GLRA1: variants seen among roughly 807,000 people sequenced by gnomAD.
The protein encoded by GLRA1 is glycine receptor subunit alpha-1.
A neutral mutation model predicts 48.3 loss-of-function variants in GLRA1; 37 were observed. The observed-to-expected ratio is 0.77, with a 90% confidence interval of 0.59 to 1.01. The LOEUF is 1.01. Ranked by LOEUF, GLRA1 falls within the 50% of genes least tolerant of loss-of-function variation. The pLI is 0.00. For synonymous variants in GLRA1, 196 were observed against 210.7 expected, an observed-to-expected ratio of 0.93 and a Z score of 0.60; for missense variants, 427 against 571.0, an observed-to-expected ratio of 0.75 and a Z score of 2.57.
At chr5:151,896,699 T>TCAC (rs1276419484) in intron 1 of GLRA1, among the ~76,000 whole-genome samples, 1 of 152,260 alleles carries the variant, frequency 6.6e-6, no homozygotes, top group African/African-American at 2.4e-5. Flanking sequence ...TGCCGTTTGT[T>TCAC]CACCACCTCT....
intron 1 of GLRA1, among the ~76,000 whole-genome samples, chr5:151,911,607 T>TG (rs1449011318): frequency 6.3e-4 from 91 of 144,964 alleles, no homozygotes; most frequent in African/African-American, 2.3e-3. Flanking sequence ...AGAGTTTTTT[T>TG]TTTTTTTTTT....
intron 4 of GLRA1, among the ~76,000 whole-genome samples, chr5:151,858,920 G>A (rs1753121311): frequency 6.6e-6 from 1 of 152,134 alleles, no homozygotes; most frequent in South Asian, 2.1e-4. Context: ...CACTGCTATA[G>A]GACTTTGAGA....
chr5:151,841,196 A>C (rs1445124520), intron 7 of GLRA1, among the ~76,000 whole-genome samples: 3 of 152,168 alleles, frequency 2.0e-5, no homozygotes, highest in Non-Finnish European at 4.4e-5. Flanking sequence ...TTTCAATGGA[A>C]TATTAAAAAT....
At chr5:151,884,296 G>A (rs570162728) in intron 3 of GLRA1, among the ~76,000 whole-genome samples, 5 of 152,208 alleles carry the variant, frequency 3.3e-5, no homozygotes, top group African/African-American at 1.2e-4. Flanking sequence ...GGGCCTGGTG[G>A]TGCATGTCTG....
At chr5:151,824,431 A>T (rs1763222091) in intron 8 of GLRA1, among the ~76,000 whole-genome samples, 1 of 152,152 alleles carries the variant, frequency 6.6e-6, no homozygotes, top group South Asian at 2.1e-4. Context: ...AATCCTGAAC[A>T]TGATAAACAA....
intron 3 of GLRA1, among the ~76,000 whole-genome samples, chr5:151,879,794 G>A (rs1228287537): frequency 2.6e-5 from 4 of 152,136 alleles, no homozygotes; most frequent in East Asian, 1.9e-4. Flanking sequence ...GATTGGTTTC[G>A]AAATATGAGG....
At chr5:151,904,670 T>C (rs1754436980) in intron 1 of GLRA1, among the ~76,000 whole-genome samples, 1 of 152,254 alleles carries the variant, frequency 6.6e-6, no homozygotes, top group African/African-American at 2.4e-5. Flanking sequence ...TTGGACAAGT[T>C]ACTTATTCTG....
chr5:151,922,534 C>G (rs921367699), intron 1 of GLRA1, among the ~76,000 whole-genome samples: 2 of 152,228 alleles, frequency 1.3e-5, no homozygotes. Context: ...ACATTTCCAG[C>G]TCTCCACAGT....
intron 1 of GLRA1, among the ~76,000 whole-genome samples, chr5:151,913,130 G>A (rs1754657835): frequency 6.6e-6 from 1 of 152,296 alleles, no homozygotes; most frequent in Non-Finnish European, 1.5e-5. Flanking sequence ...GTTTGTTAAG[G>A]GATTGTGCTC....
At chr5:151,828,755 T>G (rs756600138) in intron 8 of GLRA1, among the ~76,000 whole-genome samples, 166 bp downstream of exon 8, 15 of 152,194 alleles carry the variant, frequency 9.9e-5, no homozygotes, top group Non-Finnish European at 1.9e-4. Flanking sequence ...GGGCATTATT[T>G]ATGGGAGGGA....
chr5:151,920,299 A>G (rs900569512), intron 1 of GLRA1, among the ~76,000 whole-genome samples: 1 of 152,214 alleles, frequency 6.6e-6, no homozygotes, highest in African/African-American at 2.4e-5. Flanking sequence ...TCCCCATTAG[A>G]GGAAGAGACT....
At chr5:151,858,311 A>C (rs769702609) in intron 4 of GLRA1, among the ~76,000 whole-genome samples, 3 of 152,212 alleles carry the variant, frequency 2.0e-5, no homozygotes, top group Non-Finnish European at 4.4e-5. Flanking sequence ...AAGTGAATGC[A>C]GTTGAATTTC....
chr5:151,844,621 C>CAAAAAAAAAAAAAAAAAA (rs202218874), intron 7 of GLRA1, among the ~76,000 whole-genome samples: 2 of 49,702 alleles, frequency 4.0e-5, no homozygotes, highest in African/African-American at 1.4e-4. Context: ...TACTCTATCT[C>CAAAAAAAAAAAAAAAAAA]AAAAAAAAAA....
At chr5:151,894,161 G>A (rs1754173195) in intron 1 of GLRA1, among the ~76,000 whole-genome samples, 1 of 152,142 alleles carries the variant, frequency 6.6e-6, no homozygotes, top group Non-Finnish European at 1.5e-5. Context: ...GTGTGTGTGT[G>A]TGTGTAAGGT....
Position 151,822,611 on chromosome 5 carries a change from CT to C in GLRA1, c.*61del. ...CCGTTCCCCTTCTCTTCCTTAGTCT[CT>C]CAGATTCCTGTGCTATTCCCACGTT... is the stretch of plus-strand genomic sequence containing the variant. On this transcript the variant is annotated 3_prime_UTR_variant, in exon 9 of 9. Transcript: ENST00000274576. The C allele has an allele frequency of 8.5e-7, 1 of 1,173,032 alleles. No homozygotes were observed. Among genetic ancestry groups the C allele is most frequent in the South Asian group, 1.2e-5 (1 of 81,444 alleles). The allele number at this position is 1,173,032 out of a possible 1,614,324, so 72.7% of individuals were successfully genotyped here. A position where few individuals can be genotyped will look rare whatever the true frequency, so the allele number is the denominator to read the frequency against.
At chr5:151,916,390 G>A (rs1170309055) in intron 1 of GLRA1, among the ~76,000 whole-genome samples, 1 of 152,208 alleles carries the variant, frequency 6.6e-6, no homozygotes, top group Non-Finnish European at 1.5e-5. Context: ...GCATTCCTCT[G>A]GAGCTGGCGA....
intron 2 of GLRA1, among the ~76,000 whole-genome samples, chr5:151,888,060 A>G (rs1369871638): frequency 6.6e-6 from 1 of 152,218 alleles, no homozygotes; most frequent in African/African-American, 2.4e-5. Context: ...TCTTGTTCCT[A>G]CTTGACAAAG....
At chr5:151,911,954 T>C (rs896047138) in intron 1 of GLRA1, among the ~76,000 whole-genome samples, 3 of 152,186 alleles carry the variant, frequency 2.0e-5, no homozygotes, top group African/African-American at 7.2e-5. Context: ...GCCAACTTAA[T>C]TTAAGAATTA....
At chr5:151,848,836 G>T in intron 7 of GLRA1, 1 of 538,958 alleles carries the variant, frequency 1.9e-6, no homozygotes, top group Non-Finnish European at 3.5e-6. Flanking sequence ...TCACTCTCAT[G>T]GCCTACCTTT....
Sources: allele counts gnomAD v4.1 joint callset (sites outside exome capture counted in the v4.1 genomes callset), GRCh38; gene constraint gnomAD v4.1.1; transcripts MANE v1.5; gene names NCBI Gene and HGNC (gene_info 2026-07-23, HGNC 2026-07-21).